The following HECW1 variants were observed in gnomAD, a reference collection of about 807,000 sequenced individuals.
The protein encoded by HECW1 is E3 ubiquitin-protein ligase HECW1.
HECW1 carries 61 observed loss-of-function variants against 182.3 expected under a neutral mutation model. The ratio of observed to expected loss-of-function variants is 0.33; its 90% confidence interval spans 0.27 to 0.41. The LOEUF (loss-of-function observed/expected upper bound fraction) is 0.41, where lower values mean the gene tolerates loss of function less well. Ranked by LOEUF, HECW1 falls within the 10% of genes least tolerant of loss-of-function variation. The probability of loss-of-function intolerance (pLI) is 1.00; values close to 1 mark genes in which losing one functional copy is unlikely to be tolerated. For synonymous variants in HECW1, 859 were observed against 832.6 expected, an observed-to-expected ratio of 1.03 and a Z score of -0.55; for missense variants, 1,739 against 2,108.9, an observed-to-expected ratio of 0.82 and a Z score of 3.44.
intron 2 of HECW1, among the ~76,000 whole-genome samples, chr7:43,207,453 C>T (rs371252875): frequency 2.1e-4 from 32 of 152,276 alleles, no homozygotes; most frequent in African/African-American, 7.2e-4. Flanking sequence ...CTCAAACATT[C>T]ATCATTTCTT....
chr7:43,249,065 C>T (rs1235537062), intron 3 of HECW1: 5 of 152,326 alleles, frequency 3.3e-5, no homozygotes, highest in Non-Finnish European at 5.9e-5. Context: ...GACCAATCGC[C>T]TAGCGTGAGT....
At chr7:43,135,496 C>T (rs7810627) in intron 2 of HECW1, among the ~76,000 whole-genome samples, 23,301 of 152,240 alleles carry the variant, frequency 0.15, 2,023 homozygotes, top group South Asian at 0.23. Flanking sequence ...CACCCCAGAT[C>T]TGTCCATCTC....
In HECW1 at chr7:43,456,278, C is replaced by CT; in HGVS notation, c.2501-19_2501-18insT. On this transcript the variant is annotated intron_variant, in intron 12 of 29. Transcript: ENST00000395891. ...AGTTTGTCCTTGATTTTTCTTTTTG[C>CT]CTTTTTATTAAACACTAGACTGGGA... 2 of 1,540,550 alleles carry CT rather than the reference C, an allele frequency of 1.3e-6. No individual in the cohort carries two copies. Among genetic ancestry groups the CT allele is most frequent in the Middle Eastern group, 3.4e-4 (2 of 5,834 alleles).
At chr7:43,551,254 A>G (rs1448970503) in intron 27 of HECW1, among the ~76,000 whole-genome samples, 2 of 152,188 alleles carry the variant, frequency 1.3e-5, no homozygotes, top group Non-Finnish European at 2.9e-5. Context: ...CACTTGGCAC[A>G]AGATGCAAAG....
Position 43,387,009 on chromosome 7 carries a change from T to A in HECW1, c.556-9805T>A, listed in dbSNP as rs1349880625. Among the ~76,000 whole-genome samples, 6 of 152,192 alleles carry A rather than the reference T, an allele frequency of 3.9e-5. No homozygotes were observed. The East Asian group carries it at 1.2e-3, about 29-fold the overall frequency. ...GCATTTGTTTTCCTGAGGTGTGTAT[T>A]TCAAATAGAGTCTGGATGGGCAGAA... On this transcript the variant is annotated intron_variant, in intron 6 of 29. Coordinates refer to ENST00000395891, the MANE Select transcript of HECW1 (RefSeq NM_015052.5).
intron 10 of HECW1, among the ~76,000 whole-genome samples, chr7:43,443,104 C>A (rs550195296): frequency 2.6e-5 from 4 of 152,182 alleles, no homozygotes; most frequent in African/African-American, 9.7e-5. Flanking sequence ...ATAAATAGGA[C>A]AGAAAACTCC....
chr7:43,171,632 G>A lies in HECW1; in HGVS notation c.-32+57241G>A, dbSNP rs1791702791. On this transcript the variant is annotated intron_variant, in intron 2 of 29. Transcript: ENST00000395891. ...GCAGTACAATGAAAGGAAAAAAGGG[G>A]CGTTTAGCTCATATCCTAGAAAAAT... Among the ~76,000 whole-genome samples the A allele has an allele frequency of 5.9e-5, 9 of 152,270 alleles. No individual in the cohort carries two copies. The South Asian group carries it at 1.5e-3, about 25-fold the overall frequency.
At chr7:43,227,413 T>C (rs953659272) in intron 2 of HECW1, among the ~76,000 whole-genome samples, 1 of 152,206 alleles carries the variant, frequency 6.6e-6, no homozygotes, top group African/African-American at 2.4e-5. Flanking sequence ...AAAAAGCGTC[T>C]GGGTTTCAAT....
chr7:43,190,399 C>A (rs747934862), intron 2 of HECW1, among the ~76,000 whole-genome samples: 6 of 152,114 alleles, frequency 3.9e-5, no homozygotes, highest in Non-Finnish European at 7.4e-5. Context: ...GGCGTGAGCC[C>A]CTGCGCCTGG....
chr7:43,157,258 G>A (rs1789983111), intron 2 of HECW1, among the ~76,000 whole-genome samples: 2 of 152,124 alleles, frequency 1.3e-5, no homozygotes, highest in Non-Finnish European at 2.9e-5. Context: ...GGAAACTCCA[G>A]AGTTTTCATA....
At chr7:43,475,856 A>T (rs2078203105) in intron 16 of HECW1, among the ~76,000 whole-genome samples, 1 of 152,156 alleles carries the variant, frequency 6.6e-6, no homozygotes, top group East Asian at 1.9e-4. Flanking sequence ...ATGAATACAC[A>T]TTTATATTTT....
chr7:43,429,527 T>C (rs1328685453), intron 8 of HECW1, among the ~76,000 whole-genome samples: 1 of 151,866 alleles, frequency 6.6e-6, no homozygotes, highest in African/African-American at 2.4e-5. Context: ...GGAAGAATGC[T>C]CCTGATTCAA....
chr7:43,151,506 A>C (rs10227702), intron 2 of HECW1, among the ~76,000 whole-genome samples: 109,034 of 152,082 alleles, frequency 0.72, 39,461 homozygotes, highest in South Asian at 0.87. Flanking sequence ...TAAAATAAAA[A>C]TTGAAGAACA....
chr7:43,477,280 A>C lies in HECW1; in HGVS notation c.3100-2330A>C, dbSNP rs115384682. Among the ~76,000 whole-genome samples, 392 of 152,300 alleles carry C rather than the reference A, an allele frequency of 2.6e-3. 1 individual carries two copies. The highest frequency in any genetic ancestry group is 9.2e-3 in the African/African-American group (382 of 41,582). On this transcript the variant is annotated intron_variant, in intron 16 of 29. Transcript: ENST00000395891. ...TTATTAGTATGGATCAATAATCATA[A>C]ATATTTTTCTAACTTTAACCAAGTA...
intron 24 of HECW1, among the ~76,000 whole-genome samples, chr7:43,515,772 T>A (rs2080118487): frequency 6.6e-6 from 1 of 152,260 alleles, no homozygotes; most frequent in Non-Finnish European, 1.5e-5. Context: ...ACATTTTTAA[T>A]ATTTACCAAA....
chr7:43,553,670 A>G (rs2081924001), intron 28 of HECW1, among the ~76,000 whole-genome samples: 1 of 125,230 alleles, frequency 8.0e-6, no homozygotes, highest in East Asian at 2.3e-4. Flanking sequence ...TTCTGTCTCA[A>G]AAAAAAAAAA....
At chr7:43,340,046 C>T (rs11971631) in intron 5 of HECW1, among the ~76,000 whole-genome samples, 73,376 of 151,502 alleles carry the variant, frequency 0.48, 18,158 homozygotes, top group African/African-American at 0.58. Flanking sequence ...AAAGGGGGTA[C>T]AGGTTACCAG....
intron 2 of HECW1, among the ~76,000 whole-genome samples, chr7:43,199,133 G>GA (rs1246361271): frequency 6.6e-6 from 1 of 152,212 alleles, no homozygotes; most frequent in Non-Finnish European, 1.5e-5. Flanking sequence ...GGCAAGCTGA[G>GA]AGCTCCCGCT....
At chr7:43,311,422 G>T (rs1272475598) in intron 3 of HECW1, among the ~76,000 whole-genome samples, 6 of 152,212 alleles carry the variant, frequency 3.9e-5, no homozygotes, top group African/African-American at 1.4e-4. Flanking sequence ...CTCGAGGGAT[G>T]GCATTTGGTT....
Sources: gnomAD v4.1 joint callset for allele counts (sites outside exome capture counted in the v4.1 genomes callset) on GRCh38, gnomAD v4.1.1 for gene constraint, MANE v1.5 for transcripts, NCBI Gene and HGNC (gene_info 2026-07-23, HGNC 2026-07-21) for gene names.